CEP164: variants seen among roughly 807,000 people sequenced by gnomAD.
The protein encoded by CEP164 is centrosomal protein of 164 kDa.
CEP164 carries 162 observed loss-of-function variants against 182.7 expected under a neutral mutation model. The observed-to-expected ratio is 0.89, with a 90% CI of 0.78 to 1.01. The LOEUF is 1.01. Ranked by LOEUF, CEP164 falls within the 50% of genes least tolerant of loss-of-function variation. The probability of loss-of-function intolerance (pLI) is 0.00; values close to 1 mark genes in which losing one functional copy is unlikely to be tolerated. For synonymous variants in CEP164, 661 were observed against 690.0 expected (o/e 0.96, Z 0.66); for missense variants, 1,735 against 1,790.4 (o/e 0.97, Z 0.56).
chr11:117,382,128 G>C (rs2043386905), intron 13 of CEP164, among the ~76,000 whole-genome samples: 1 of 152,138 alleles, frequency 6.6e-6, no homozygotes, highest in Non-Finnish European at 1.5e-5. Context: ...TCTGATTAGA[G>C]GAACTTAGAA....
chr11:117,369,279 C>T (rs187667643), intron 8 of CEP164, among the ~76,000 whole-genome samples: 1 of 152,310 alleles, frequency 6.6e-6, no homozygotes, highest in Non-Finnish European at 1.5e-5. Flanking sequence ...TTTATTCTTC[C>T]CAACAACGCT....
At chr11:117,327,608 G>T (rs1045895286), upstream of CEP164, among the ~76,000 whole-genome samples, 1 of 151,758 alleles carries the variant, frequency 6.6e-6, no homozygotes, top group Non-Finnish European at 1.5e-5. Flanking sequence ...AGCCGATGAG[G>T]TTCTCTTTCA....
At chr11:117,380,181 C>T (rs1354859371) in intron 11 of CEP164, among the ~76,000 whole-genome samples, 6 of 152,094 alleles carry the variant, frequency 3.9e-5, no homozygotes, top group Non-Finnish European at 5.9e-5. Flanking sequence ...ATTCTGCCCT[C>T]GTAATTTCAG....
Position 117,373,747 on chromosome 11 carries a change from C to G in CEP164, c.1153-4C>G, listed in dbSNP as rs768712097. The G allele has an allele frequency of 6.2e-7, 1 of 1,613,674 alleles. No individual in the cohort carries two copies. Among genetic ancestry groups the G allele is most frequent in the Non-Finnish European group, 8.5e-7 (1 of 1,179,632 alleles). The stretch of plus-strand genomic sequence containing the variant: ...GGGATTTCTCTGTGGGTCTGTCTCT[C>G]CAGGAACTGGAAATTAGTGAACACA... On this transcript the variant is annotated splice_polypyrimidine_tract_variant and splice_region_variant and intron_variant, in intron 9 of 32. Coordinates refer to ENST00000278935, the MANE Select transcript of CEP164 (RefSeq NM_014956.5).
At chr11:117,334,229 C>G (rs558594652) in intron 1 of CEP164, among the ~76,000 whole-genome samples, 1 of 152,158 alleles carries the variant, frequency 6.6e-6, no homozygotes, top group Non-Finnish European at 1.5e-5. Context: ...AAATATTCCT[C>G]GAGTGAGTAG....
At chr11:117,343,629 C>CT (rs558296878) in intron 3 of CEP164, among the ~76,000 whole-genome samples, 26,876 of 129,680 alleles carry the variant, frequency 0.21, 3,131 homozygotes, top group African/African-American at 0.26. Flanking sequence ...TATTTTTTGC[C>CT]TTTTTTTTTT....
chr11:117,337,746 A>G (rs1227256284), intron 2 of CEP164, among the ~76,000 whole-genome samples: 2 of 152,052 alleles, frequency 1.3e-5, no homozygotes, highest in African/African-American at 2.4e-5. Context: ...CAATCCAGCC[A>G]TGCCAGTCTT....
At chr11:117,345,739 T>C (rs2038797587) in intron 4 of CEP164, among the ~76,000 whole-genome samples, 2 of 151,838 alleles carry the variant, frequency 1.3e-5, no homozygotes, top group South Asian at 4.1e-4. Context: ...CAGACTGGAG[T>C]GCAATGGCAC....
At chr11:117,331,671 A>T (rs1041055122) in intron 1 of CEP164, among the ~76,000 whole-genome samples, 2 of 152,046 alleles carry the variant, frequency 1.3e-5, no homozygotes, top group African/African-American at 4.8e-5. Context: ...CTGGAAGCAC[A>T]GAGAGGAAAA....
chr11:117,373,673 G>C (rs1485437261), intron 9 of CEP164, 78 bp from the exon 10 acceptor site: 1 of 1,323,298 alleles, frequency 7.6e-7, no homozygotes, highest in African/African-American at 1.5e-5. Context: ...CCCATGGCCT[G>C]AACAGAATTC....
chr11:117,377,900 C>G (rs2042920621), intron 11 of CEP164, among the ~76,000 whole-genome samples: 1 of 152,032 alleles, frequency 6.6e-6, no homozygotes, highest in Non-Finnish European at 1.5e-5. Flanking sequence ...CCCTCTGTTA[C>G]CTAGGCTGGA....
At chr11:117,370,611 G>A (rs1419590548) in intron 8 of CEP164, among the ~76,000 whole-genome samples, 1 of 152,018 alleles carries the variant, frequency 6.6e-6, no homozygotes, top group Non-Finnish European at 1.5e-5. Context: ...AGGAATCTGT[G>A]TTTTAAAAAG....
intron 5 of CEP164, among the ~76,000 whole-genome samples, chr11:117,361,606 T>G (rs1030835956): frequency 1.3e-5 from 2 of 152,092 alleles, no homozygotes; most frequent in African/African-American, 2.4e-5. Context: ...AAGAACTGTT[T>G]ACTGTGAGAC....
chr11:117,378,009 C>T (rs974240813), intron 11 of CEP164, among the ~76,000 whole-genome samples: 3 of 151,902 alleles, frequency 2.0e-5, no homozygotes, highest in Non-Finnish European at 4.4e-5. Flanking sequence ...TACAGGCATC[C>T]ACCACCATGC....
At position 117,412,201 on chromosome 11, in the gene CEP164, TCTC is replaced by T. The variant is rs2047436742; in HGVS notation, c.*38_*40del. 2.5e-6 allele frequency: 4 copies of T among 1,586,534 alleles called. No homozygotes were observed. Among genetic ancestry groups the T allele is most frequent in the Admixed American group, 1.7e-5 (1 of 59,258 alleles). ...AGCAGGGGCTTGGGGCAGCCCAGCCTCTCCTCCACCCAGACCAAGTGCCTGAGG... is the reference window on the plus strand; with the variant it reads ...AGCAGGGGCTTGGGGCAGCCCAGCCTCTCCACCCAGACCAAGTGCCTGAGG... On this transcript the variant is annotated 3_prime_UTR_variant, in exon 33 of 33. Transcript: ENST00000278935.
chr11:117,347,723 A>G (rs537755292), intron 4 of CEP164, among the ~76,000 whole-genome samples: 1 of 151,794 alleles, frequency 6.6e-6, no homozygotes, highest in South Asian at 2.1e-4. Flanking sequence ...AAAAAAAAAA[A>G]AGAATAGCTT....
At position 117,387,249 on chromosome 11, in the gene CEP164, G is replaced by T; in HGVS notation, c.1771G>T (p.Ala591Ser). 1 of 1,614,220 alleles carries T rather than the reference G, an allele frequency of 6.2e-7. No homozygotes were observed. ...TCCCCCAGAGCAGCTCTCAGAGGCT[G>T]CACTAAAGGCCATGGAAGAGGCAGT... ...VAPPEQLSEAALKAMEEAVAQ... is the reference protein window; with the variant it reads ...VAPPEQLSEASLKAMEEAVAQ... The change falls in exon 15 of 33, where the codon GCA (alanine) becomes TCA (serine). Residue 591 changes from alanine to serine, a missense_variant. By Grantham distance (99) the Ala-to-Ser change is moderately conservative. Transcript: ENST00000278935.
intron 5 of CEP164, chr11:117,355,260 A>G: frequency 7.8e-7 from 1 of 1,289,876 alleles, no homozygotes; most frequent in Non-Finnish European, 1.0e-6. Context: ...GAGAAACTCC[A>G]GAAGGCGACA....
chr11:117,383,519 A>G (rs1042288361), intron 14 of CEP164, among the ~76,000 whole-genome samples: 4 of 152,214 alleles, frequency 2.6e-5, no homozygotes, highest in Non-Finnish European at 5.9e-5. Flanking sequence ...GGAATTATAC[A>G]GTATACAGGA....
Sources: allele counts gnomAD v4.1 joint callset (sites outside exome capture counted in the v4.1 genomes callset), GRCh38; gene constraint gnomAD v4.1.1; transcripts MANE v1.5; gene names NCBI Gene and HGNC (gene_info 2026-07-23, HGNC 2026-07-21).